The following MEGF11 variants were observed in gnomAD, a reference collection of about 807,000 sequenced individuals.
The protein encoded by MEGF11 is multiple EGF like domains 11.
A neutral mutation model predicts 146.6 loss-of-function variants in MEGF11; 126 were observed. The observed-to-expected ratio is 0.86, with a 90% CI of 0.74 to 1.00. The LOEUF (loss-of-function observed/expected upper bound fraction) is 1.00. Among genes scored for constraint, MEGF11 ranks in the 50% least tolerant of loss-of-function variants. The pLI, the probability that MEGF11 is intolerant of heterozygous loss-of-function variation, is 0.00. For missense variants in MEGF11, 1,509 were observed against 1,521.2 expected (o/e 0.99, Z 0.13); for synonymous variants, 532 against 583.4 (o/e 0.91, Z 1.27).
chr15:65,946,886 C>T (rs2080214116), intron 10 of MEGF11, among the ~76,000 whole-genome samples: 2 of 152,162 alleles, frequency 1.3e-5, no homozygotes, highest in African/African-American at 2.4e-5. Context: ...CCACTCCCTC[C>T]CTACACCCTC....
At chr15:65,928,641 G>A (rs1347443205) in intron 12 of MEGF11, 114 bp from the exon 13 acceptor site, 11 of 597,520 alleles carry the variant, frequency 1.8e-5, no homozygotes, top group Admixed American at 1.1e-4. Context: ...GAGATCTACT[G>A]GATCTTGATG....
chr15:66,200,811 G>A (rs2091138686), intron 1 of MEGF11, among the ~76,000 whole-genome samples: 1 of 152,158 alleles, frequency 6.6e-6, no homozygotes, highest in South Asian at 2.1e-4. Context: ...CTCACTCTGA[G>A]GTAGGGGTTG....
chr15:66,223,987 G>A (rs2091792545), intron 1 of MEGF11, among the ~76,000 whole-genome samples: 1 of 152,122 alleles, frequency 6.6e-6, no homozygotes. Flanking sequence ...GCTTGGCCCA[G>A]GAAGGACAGT....
chr15:66,058,216 T>A (rs1306780369), intron 5 of MEGF11, among the ~76,000 whole-genome samples: 1 of 152,030 alleles, frequency 6.6e-6, no homozygotes, highest in African/African-American at 2.4e-5. Flanking sequence ...AAGCACCACC[T>A]CTCAGCCATA....
intron 10 of MEGF11, among the ~76,000 whole-genome samples, chr15:65,937,075 A>G (rs11630015): frequency 0.062 from 9,373 of 152,262 alleles, 421 homozygotes; most frequent in Non-Finnish European, 0.093. Context: ...CTGAACAGAC[A>G]TTAGAGATGA....
chr15:65,990,583 G>T (rs894802484), intron 5 of MEGF11, among the ~76,000 whole-genome samples: 1 of 116,162 alleles, frequency 8.6e-6, no homozygotes, highest in Non-Finnish European at 1.8e-5. Context: ...GGGAAGAAAG[G>T]AAAGAAAGAA....
At chr15:66,242,050 C>T (rs768907544) in intron 1 of MEGF11, among the ~76,000 whole-genome samples, 1 of 152,126 alleles carries the variant, frequency 6.6e-6, no homozygotes, top group Non-Finnish European at 1.5e-5. Context: ...GTCCTGAATG[C>T]CTTTGTGTGA....
intron 10 of MEGF11, among the ~76,000 whole-genome samples, chr15:65,945,356 G>A (rs532882719): frequency 4.5e-4 from 68 of 152,302 alleles, no homozygotes; most frequent in African/African-American, 1.5e-3. Flanking sequence ...GGGAGCTCAG[G>A]GCAGACTTCC....
chr15:66,248,260 T>G (rs929134093), intron 1 of MEGF11, among the ~76,000 whole-genome samples: 1 of 152,178 alleles, frequency 6.6e-6, no homozygotes, highest in Non-Finnish European at 1.5e-5. Flanking sequence ...TTGAACAAAC[T>G]GAAAGAACCA....
At chr15:65,971,496 AGGCTGTG>A (rs1212825898) in intron 7 of MEGF11, among the ~76,000 whole-genome samples, 1 of 152,202 alleles carries the variant, frequency 6.6e-6, no homozygotes, top group Non-Finnish European at 1.5e-5. Context: ...TTGGTGTCAC[AGGCTGTG>A]GACAAGGGAC....
At chr15:65,954,392 G>C (rs115393412) in intron 10 of MEGF11, among the ~76,000 whole-genome samples, 4 of 152,162 alleles carry the variant, frequency 2.6e-5, no homozygotes, top group Non-Finnish European at 5.9e-5. Context: ...TCAGAAGCTG[G>C]AGTGAGGACA....
intron 5 of MEGF11, among the ~76,000 whole-genome samples, chr15:66,070,813 C>T (rs968033752): frequency 3.3e-5 from 5 of 152,192 alleles, no homozygotes; most frequent in African/African-American, 9.7e-5. Flanking sequence ...TGTGAACACC[C>T]AGCCCAGAGT....
chr15:66,165,015 A>G lies in MEGF11; in HGVS notation c.-8-36604T>C, dbSNP rs572996975. 2.1e-3 allele frequency among the ~76,000 whole-genome samples: 313 copies of G among 152,340 alleles called. 2 individuals carry two copies. The highest frequency in any genetic ancestry group is 3.3e-3 in the Non-Finnish European group (223 of 68,030). On this transcript the variant is annotated intron_variant, in intron 1 of 25. Transcript: ENST00000395614. ...GCTGGCTGGGAGACTCCCGGACAGCAGATTTCCCTGTCTGAGCACAGCCGG... is the reference window on the plus strand; with the variant it reads ...GCTGGCTGGGAGACTCCCGGACAGCGGATTTCCCTGTCTGAGCACAGCCGG...
chr15:66,166,970 G>A (rs1025909465), intron 1 of MEGF11, among the ~76,000 whole-genome samples: 8 of 152,164 alleles, frequency 5.3e-5, no homozygotes, highest in African/African-American at 1.9e-4. Context: ...CAGGTTCCCT[G>A]CTCCTATCCT....
At chr15:65,934,118 C>T (rs1340837789) in intron 10 of MEGF11, among the ~76,000 whole-genome samples, 1 of 152,210 alleles carries the variant, frequency 6.6e-6, no homozygotes, top group African/African-American at 2.4e-5. Context: ...TGACCACTCC[C>T]TGAGGGCCAC....
intron 5 of MEGF11, among the ~76,000 whole-genome samples, chr15:66,085,846 A>T (rs1414827929): frequency 6.6e-6 from 1 of 152,226 alleles, no homozygotes; most frequent in Non-Finnish European, 1.5e-5. Context: ...CATGAAAAAG[A>T]ATTCAGGAGG....
chr15:65,980,396 T>A (rs962031281), intron 7 of MEGF11, among the ~76,000 whole-genome samples: 1 of 4,000 alleles, frequency 2.5e-4, no homozygotes, highest in African/African-American at 4.5e-4. Context: ...AGAATTCAGC[T>A]TTTTTTTTTT....
intron 1 of MEGF11, among the ~76,000 whole-genome samples, chr15:66,144,041 C>T (rs953560729): frequency 6.6e-6 from 1 of 152,168 alleles, no homozygotes; most frequent in African/African-American, 2.4e-5. Context: ...AGGGCAGAGG[C>T]TCCAGGTGGG....
At chr15:66,226,245 T>A (rs1437090028) in intron 1 of MEGF11, among the ~76,000 whole-genome samples, 1 of 149,020 alleles carries the variant, frequency 6.7e-6, no homozygotes, top group Non-Finnish European at 1.5e-5. Flanking sequence ...CAAGTGACCC[T>A]TATTTTACTT....
Sources: allele counts gnomAD v4.1 joint callset (sites outside exome capture counted in the v4.1 genomes callset), GRCh38; gene constraint gnomAD v4.1.1; transcripts MANE v1.5; gene names NCBI Gene and HGNC (gene_info 2026-07-23, HGNC 2026-07-21).